The following MAMLD1 variants were observed in gnomAD, a reference collection of about 807,000 sequenced individuals.
MAMLD1 encodes mastermind-like domain-containing protein 1.
A neutral mutation model predicts 45.0 loss-of-function variants in MAMLD1; 14 were observed. The observed-to-expected ratio is 0.31, with a 90% CI of 0.21 to 0.49. The LOEUF is 0.49. Ranked by LOEUF, MAMLD1 falls within the 20% of genes least tolerant of loss-of-function variation. The pLI is 0.99. For synonymous variants in MAMLD1, 254 were observed against 247.8 expected (o/e 1.02, Z -0.24); for missense variants, 543 against 603.6 (o/e 0.90, Z 1.05).
At chrX:150,386,988 A>T (rs1351933052) in intron 1 of MAMLD1, among the ~76,000 whole-genome samples, 1 of 111,316 alleles carries the variant, frequency 9.0e-6, no homozygotes, top group Non-Finnish European at 1.9e-5. Flanking sequence ...TTTTCAGCAT[A>T]CTTTTCAAAA....
At chrX:150,509,828 C>T (rs2037847601) in intron 6 of MAMLD1, 134 bp from the exon 7 acceptor site, 2 of 535,968 alleles carry the variant, frequency 3.7e-6, no homozygotes, top group South Asian at 2.6e-5. Context: ...GGCATGCATG[C>T]GAGTGTATGC....
intron 4 of MAMLD1, among the ~76,000 whole-genome samples, chrX:150,472,043 A>G (rs1557406599): frequency 8.9e-6 from 1 of 111,938 alleles, no homozygotes; most frequent in African/African-American, 3.2e-5. Context: ...CCATTTTACA[A>G]ATGAAGAAAC....
At chrX:150,472,142 G>C (rs2036450119) in intron 4 of MAMLD1, among the ~76,000 whole-genome samples, 1 of 112,011 alleles carries the variant, frequency 8.9e-6, no homozygotes, top group African/African-American at 3.2e-5. Flanking sequence ...TCTCACTCCA[G>C]AGCCTGTGCT....
In MAMLD1 at chrX:150,509,983, C is replaced by T. The variant is rs1487790027; in HGVS notation, c.2306C>T (p.Ser769Phe). The T allele has an allele frequency of 1.7e-6, 2 of 1,200,233 alleles. No individual in the cohort carries two copies. The highest frequency in any genetic ancestry group is 4.4e-5 in the Admixed American group (2 of 45,763). ...DATARGTEIR[S>F]YGNDP Reference sequence around the variant, plus strand: ...TTAGCAAGAGGAACAGAGATCAGGTCTTATGGCAATGACCCCTGAACGGCA... The same window carrying T: ...TTAGCAAGAGGAACAGAGATCAGGTTTTATGGCAATGACCCCTGAACGGCA... Residue 769 changes from serine (S) to phenylalanine (F), a missense_variant, in exon 7 of 8, where the codon TCT becomes TTT. Physicochemically the swap from Ser to Phe is radical, Grantham distance 155 (BLOSUM62 -2). Transcript: ENST00000370401.
chrX:150,370,321 C>G (rs947620357), intron 1 of MAMLD1, among the ~76,000 whole-genome samples: 15 of 111,828 alleles, frequency 1.3e-4, no homozygotes, highest in African/African-American at 4.9e-4. Context: ...GCATTGGGTC[C>G]TTAAACATCT....
intron 1 of MAMLD1, among the ~76,000 whole-genome samples, chrX:150,366,367 G>A (rs1205960257): frequency 1.8e-5 from 2 of 111,985 alleles, no homozygotes; most frequent in African/African-American, 6.5e-5. Context: ...CCAAATGCGC[G>A]CATACACACA....
At chrX:150,414,147 C>T (rs2034195445) in intron 1 of MAMLD1, among the ~76,000 whole-genome samples, 1 of 109,698 alleles carries the variant, frequency 9.1e-6, no homozygotes, top group Non-Finnish European at 1.9e-5. Flanking sequence ...TGATGTGGCC[C>T]CCCTGGAAAA....
At chrX:150,479,856 T>C (rs1215409582) in intron 5 of MAMLD1, among the ~76,000 whole-genome samples, 1 of 111,980 alleles carries the variant, frequency 8.9e-6, no homozygotes, top group African/African-American at 3.3e-5. Context: ...CTAGAGCAGA[T>C]GAAACTCACG....
chrX:150,464,986 C>T (rs1208383375), intron 3 of MAMLD1, among the ~76,000 whole-genome samples: 3 of 112,361 alleles, frequency 2.7e-5, no homozygotes, highest in Admixed American at 9.4e-5. Flanking sequence ...AGGCGATTTT[C>T]ACCTTTTTGA....
intron 6 of MAMLD1, chrX:150,504,407 G>T: frequency 8.0e-6 from 6 of 754,054 alleles, no homozygotes; most frequent in Non-Finnish European, 9.4e-6. Context: ...ATGGAAATTC[G>T]GCTTTGGTAT....
chrX:150,442,419 T>C (rs2035348023), intron 1 of MAMLD1, among the ~76,000 whole-genome samples: 1 of 111,640 alleles, frequency 9.0e-6, no homozygotes, highest in African/African-American at 3.2e-5. Context: ...TTCCATTTGG[T>C]TCATGTATAG....
Position 150,503,428 on chromosome X carries a change from G to A in MAMLD1, c.2195G>A (p.Ser732Asn). 8.3e-7 allele frequency: 1 copy of A among 1,211,966 alleles called. No individual in the cohort carries two copies. The highest frequency in any genetic ancestry group is 1.1e-6 in the Non-Finnish European group (1 of 895,441). ...HELARVTSSY[S>N]TSEAAPWGSW... ...CTGGCCCGAGTCACCTCCTCGTACA[G>A]CACCTCAGAGGCAGCGCCCTGGGGC... is the stretch of plus-strand genomic sequence containing the variant. Residue 732 changes from serine to asparagine, a missense_variant, in exon 6 of 8, where the codon AGC (serine) becomes AAC (asparagine). Transcript: ENST00000370401.
chrX:150,404,012 A>G (rs1220734153), intron 1 of MAMLD1, among the ~76,000 whole-genome samples: 2 of 85,315 alleles, frequency 2.3e-5, no homozygotes, highest in African/African-American at 9.7e-5. Flanking sequence ...AGGAAGGAAG[A>G]AAGAAGAAGG....
At chrX:150,480,023 T>TC (rs1847236979) in intron 5 of MAMLD1, among the ~76,000 whole-genome samples, 1 of 111,066 alleles carries the variant, frequency 9.0e-6, no homozygotes, top group African/African-American at 3.3e-5. Flanking sequence ...GACTGCACCC[T>TC]CCCCTCCCCA....
rs782762620 is a variant in MAMLD1, at chrX:150,391,562, T to C, written c.-64+28032T>C. On this transcript the variant is annotated intron_variant, in intron 1 of 7. Transcript: ENST00000370401. Reference sequence around the variant, plus strand: ...CTTTAATATCCATTTGTTTCTTTTTTATAATCTCAATTTCTTTGCTGAGAT... The same window carrying C: ...CTTTAATATCCATTTGTTTCTTTTTCATAATCTCAATTTCTTTGCTGAGAT... 1.2e-4 allele frequency among the ~76,000 whole-genome samples: 14 copies of C among 112,116 alleles called. No individual in the cohort carries two copies. In the South Asian group the frequency reaches 5.2e-3, roughly 41 times the overall value.
intron 1 of MAMLD1, among the ~76,000 whole-genome samples, chrX:150,404,010 A>G (rs1009061522): frequency 7.0e-5 from 7 of 99,950 alleles, no homozygotes; most frequent in East Asian, 6.1e-4. Context: ...AAAGGAAGGA[A>G]GAAAGAAGAA....
In MAMLD1 at chrX:150,368,783, T is replaced by C. The variant is rs200446845; in HGVS notation, c.-64+5253T>C. ...CCAGTTTCAGCTTTCTACATATGGC[T>C]AGCCAGTTTTCCCAGCATCTTTTAT... On this transcript the variant is annotated intron_variant, in intron 1 of 7. Transcript: ENST00000370401. 5.3e-5 allele frequency among the ~76,000 whole-genome samples: 6 copies of C among 112,561 alleles called. No individual in the cohort carries two copies. In the East Asian group the frequency reaches 1.7e-3, roughly 31 times the overall value.
rs782677937 is a variant in MAMLD1, at chrX:150,369,043, A to G, written c.-64+5513A>G. ...TGGCTTAGGATTGTCTTGGCAATGC[A>G]GGCTCTTTTTTGGTTCCATATGAAC... On this transcript the variant is annotated intron_variant, in intron 1 of 7. Transcript: ENST00000370401. Among the ~76,000 whole-genome samples, 1,028 of 112,062 alleles carry G rather than the reference A, an allele frequency of 9.2e-3. 16 individuals are homozygous for G. The highest frequency in any genetic ancestry group is 0.032 in the African/African-American group (978 of 30,850).
intron 1 of MAMLD1, among the ~76,000 whole-genome samples, chrX:150,391,755 G>A (rs1557402180): frequency 9.0e-6 from 1 of 110,808 alleles, no homozygotes; most frequent in Non-Finnish European, 1.9e-5. Context: ...CTTGGTTCTG[G>A]GTATGATTAA....
Sources: gnomAD v4.1 joint callset for allele counts (sites outside exome capture counted in the v4.1 genomes callset) on GRCh38, gnomAD v4.1.1 for gene constraint, MANE v1.5 for transcripts, NCBI Gene and HGNC (gene_info 2026-07-23, HGNC 2026-07-21) for gene names.